Variants in TLL1 observed in about 807,000 individuals in gnomAD.
TLL1 encodes tolloid like 1, also known as tolloid-like protein 1.
TLL1 carries 49 observed loss-of-function variants against 128.2 expected under a neutral mutation model. That is an observed-to-expected ratio of 0.38 (90% CI 0.30 to 0.48). The LOEUF (loss-of-function observed/expected upper bound fraction) is 0.48. Ranked by LOEUF, TLL1 falls within the 20% of genes least tolerant of loss-of-function variation. The pLI, the probability that TLL1 is intolerant of heterozygous loss-of-function variation, is 0.96. For synonymous variants in TLL1, 454 were observed against 418.8 expected (o/e 1.08, Z -1.03); for missense variants, 1,123 against 1,242.0 (o/e 0.90, Z 1.44).
At chr4:166,066,140 GT>G (rs1740564453) in intron 16 of TLL1, among the ~76,000 whole-genome samples, 2 of 151,372 alleles carry the variant, frequency 1.3e-5, no homozygotes, top group South Asian at 2.1e-4. Flanking sequence ...TTTAGCAACA[GT>G]TTTTTATCTT....
Position 165,919,539 on chromosome 4 carries a change from T to G in TLL1, c.169+45466T>G, listed in dbSNP as rs7356239. ...TTCATATAGTATATATATAATTAAC[T>G]GACTTTCTGTGTATTCCATAATTAT... is the stretch of plus-strand genomic sequence containing the variant. On this transcript the variant is annotated intron_variant, in intron 1 of 20. Transcript: ENST00000061240. Among the ~76,000 whole-genome samples the G allele has an allele frequency of 7.3e-3, 1,109 of 152,250 alleles. 23 individuals carry two copies. Among genetic ancestry groups the G allele is most frequent in the African/African-American group, 0.026 (1,075 of 41,546 alleles).
chr4:165,879,092 G>A (rs1730862231), intron 1 of TLL1, among the ~76,000 whole-genome samples: 1 of 151,674 alleles, frequency 6.6e-6, no homozygotes, highest in Non-Finnish European at 1.5e-5. Context: ...ACCATGCCCA[G>A]CTAATTTTAT....
At chr4:165,941,250 T>C (rs1166211739) in intron 1 of TLL1, among the ~76,000 whole-genome samples, 2 of 152,096 alleles carry the variant, frequency 1.3e-5, no homozygotes, top group Non-Finnish European at 2.9e-5. Flanking sequence ...GCAGAGATGA[T>C]TTCTACTCCT....
intron 1 of TLL1, among the ~76,000 whole-genome samples, chr4:165,987,357 T>A (rs1286320139): frequency 1.3e-5 from 2 of 152,084 alleles, no homozygotes; most frequent in Non-Finnish European, 2.9e-5. Flanking sequence ...AATATTTAAC[T>A]TGGGTAAGTT....
At chr4:165,952,671 T>C (rs1444579085) in intron 1 of TLL1, among the ~76,000 whole-genome samples, 5 of 152,156 alleles carry the variant, frequency 3.3e-5, no homozygotes, top group Non-Finnish European at 7.4e-5. Context: ...CCAACAGTTA[T>C]TGTTTTCATG....
Position 166,084,383 on chromosome 4 carries a change from G to C in TLL1, c.2442+6353G>C, listed in dbSNP as rs1741412146. 1.3e-5 allele frequency among the ~76,000 whole-genome samples: 2 copies of C among 151,930 alleles called. 1 individual carries two copies. The highest frequency in any genetic ancestry group is 2.9e-5 in the Non-Finnish European group (2 of 67,980). On this transcript the variant is annotated intron_variant, in intron 18 of 20. Coordinates refer to ENST00000061240, the MANE Select transcript of TLL1 (RefSeq NM_012464.5). Reference sequence around the variant, plus strand: ...CCCTTTCCTGTACAGAAGCTTTTTAGTTTGATGTAATCTCATTTGTCTATT... The same window carrying C: ...CCCTTTCCTGTACAGAAGCTTTTTACTTTGATGTAATCTCATTTGTCTATT...
At chr4:165,929,581 C>T (rs1733426097) in intron 1 of TLL1, among the ~76,000 whole-genome samples, 1 of 151,710 alleles carries the variant, frequency 6.6e-6, no homozygotes, top group South Asian at 2.1e-4. Flanking sequence ...AGTTTTTCCT[C>T]AGCAAATCTG....
intron 10 of TLL1, among the ~76,000 whole-genome samples, chr4:166,040,568 A>C (rs1560828976): frequency 6.6e-6 from 1 of 152,168 alleles, no homozygotes; most frequent in African/African-American, 2.4e-5. Context: ...TTTGTGTGAA[A>C]AGCTTTCCTT....
chr4:166,019,567 T>C (rs1423342507), intron 8 of TLL1, among the ~76,000 whole-genome samples: 5 of 152,072 alleles, frequency 3.3e-5, no homozygotes, highest in Non-Finnish European at 7.4e-5. Flanking sequence ...TTTGTAGAGG[T>C]TAATCTTGAA....
rs1415638277 is a variant in TLL1, at chr4:166,077,394, A to G, written c.2315-509A>G. On this transcript the variant is annotated intron_variant, in intron 17 of 20. Coordinates refer to ENST00000061240, the MANE Select transcript of TLL1 (RefSeq NM_012464.5). ...CTAATTTATTTTAGAAGCTAAAATT[A>G]TGATGTAGGTATTCAAGTGTATATT... 3.9e-5 allele frequency among the ~76,000 whole-genome samples: 6 copies of G among 152,300 alleles called. No individual in the cohort carries two copies. The East Asian group carries it at 9.7e-4, about 25-fold the overall frequency.
At chr4:165,936,807 C>T (rs1478084856) in intron 1 of TLL1, among the ~76,000 whole-genome samples, 1 of 152,042 alleles carries the variant, frequency 6.6e-6, no homozygotes, top group East Asian at 1.9e-4. Context: ...GTGGCAGGCG[C>T]CTGTAATCCC....
chr4:166,057,094 G>A (rs1740048564), intron 13 of TLL1, 90 bp from the exon 14 acceptor site: 1 of 1,473,926 alleles, frequency 6.8e-7, no homozygotes, highest in Middle Eastern at 2.1e-4. Flanking sequence ...CATTCAAGGT[G>A]AGATTTGGGT....
intron 8 of TLL1, among the ~76,000 whole-genome samples, chr4:166,016,605 A>C (rs958396096): frequency 6.6e-6 from 1 of 151,984 alleles, no homozygotes; most frequent in Non-Finnish European, 1.5e-5. Flanking sequence ...TTAATGGGCC[A>C]TTTTCTTACC....
intron 1 of TLL1, among the ~76,000 whole-genome samples, chr4:165,914,327 C>G (rs73860884): frequency 0.077 from 11,706 of 151,696 alleles, 1,446 homozygotes; most frequent in African/African-American, 0.26. Context: ...TATTTTTTTC[C>G]CCAGAATTTG....
chr4:166,085,037 G>A (rs1284341150), intron 18 of TLL1, among the ~76,000 whole-genome samples: 1 of 151,892 alleles, frequency 6.6e-6, no homozygotes, highest in East Asian at 1.9e-4. Flanking sequence ...AATTTTTGGA[G>A]CTGTTGTAAA....
At position 166,074,911 on chromosome 4, in the gene TLL1, G is replaced by A. The variant is rs1740952681; in HGVS notation, c.2222G>A (p.Cys741Tyr). Residue 741 changes from cysteine to tyrosine, a missense_variant, in exon 17 of 21, where the codon TGT (cysteine) becomes TAT (tyrosine). Transcript: ENST00000061240. Reference sequence around the variant, plus strand: ...GAATGCTCTAAGGATAATGGTGGATGTCAGCACGAATGTGTCAACACGATG... The same window carrying A: ...GAATGCTCTAAGGATAATGGTGGATATCAGCACGAATGTGTCAACACGATG... ...KDECSKDNGG[C>Y]QHECVNTMGS... 6.2e-7 allele frequency: 1 copy of A among 1,613,514 alleles called. No homozygotes were observed. Among genetic ancestry groups the A allele is most frequent in the Non-Finnish European group, 8.5e-7 (1 of 1,179,654 alleles).
In TLL1 at chr4:166,054,418, AT is replaced by A. The variant is rs146002353; in HGVS notation, c.1525-649del. Among the ~76,000 whole-genome samples the A allele has an allele frequency of 2.4e-3, 366 of 151,868 alleles. 2 individuals carry two copies. Among genetic ancestry groups the A allele is most frequent in the Non-Finnish European group, 2.9e-3 (194 of 67,892 alleles). On this transcript the variant is annotated intron_variant, in intron 12 of 20. Coordinates refer to ENST00000061240, the MANE Select transcript of TLL1 (RefSeq NM_012464.5). ...GATTTTATTGAAAGACTATGGAGCA[AT>A]TTTTTTTTATTATACTTTAAGTTTT...
intron 1 of TLL1, among the ~76,000 whole-genome samples, chr4:165,957,816 T>C (rs148566268): frequency 0.026 from 3,950 of 149,700 alleles, 173 homozygotes; most frequent in African/African-American, 0.085. Context: ...CACCCATTAA[T>C]TCGTCATTTA....
chr4:165,995,798 A>G (rs1225826712), intron 5 of TLL1, among the ~76,000 whole-genome samples: 3 of 152,162 alleles, frequency 2.0e-5, no homozygotes, highest in Admixed American at 2.0e-4. Context: ...ATCTAATAGG[A>G]AAGGATATAA....
Sources: gnomAD v4.1 joint callset for allele counts (sites outside exome capture counted in the v4.1 genomes callset) on GRCh38, gnomAD v4.1.1 for gene constraint, MANE v1.5 for transcripts, NCBI Gene and HGNC (gene_info 2026-07-23, HGNC 2026-07-21) for gene names.